The following TMOD4 variants were observed in gnomAD, a reference collection of about 807,000 sequenced individuals.
The protein encoded by TMOD4 is tropomodulin 4.
TMOD4 carries 34 observed loss-of-function variants against 45.4 expected under a neutral mutation model. The observed-to-expected ratio is 0.75, with a 90% CI of 0.57 to 1.00. The LOEUF (loss-of-function observed/expected upper bound fraction) is 1.00, where lower values mean the gene tolerates loss of function less well. TMOD4 is among the 50% of genes least tolerant of loss of function. The probability of loss-of-function intolerance (pLI) is 0.00; values close to 1 mark genes in which losing one functional copy is unlikely to be tolerated. For missense variants in TMOD4, 399 were observed against 437.5 expected (o/e 0.91, Z 0.78); for synonymous variants, 131 against 153.9 (o/e 0.85, Z 1.10).
rs1329241086 is a variant in TMOD4 at position 151,171,518 on chromosome 1, C to G, written c.641G>C (p.Ser214Thr). Residue 214 changes from serine to threonine, a missense_variant, in exon 7 of 10, where the codon AGT (serine) becomes ACT (threonine). Transcript: ENST00000295314. ...TGCCTTCATTGCCTCACACAGCTCACTTAGCATGGGTATTGGGATGTCCTA... is the reference window on the plus strand; with the variant it reads ...TGCCTTCATTGCCTCACACAGCTCAGTTAGCATGGGTATTGGGATGTCCTA... Reference protein sequence around the residue: ...NIQDIPIPMLSELCEAMKANT... With the variant: ...NIQDIPIPMLTELCEAMKANT... The G allele has an allele frequency of 6.2e-7, 1 of 1,614,132 alleles. No individual in the cohort carries two copies. The highest frequency in any genetic ancestry group is 1.1e-5 in the South Asian group (1 of 91,082).
chr1:151,171,823 G>GTTTTC, intron 5 of TMOD4, 60 bp from the exon 6 acceptor site: 8 of 1,544,576 alleles, frequency 5.2e-6, no homozygotes, highest in Non-Finnish European at 6.1e-6. Context: ...CTCCCCATTG[G>GTTTTC]TTTTCTTTTC....
intron 5 of TMOD4, 77 bp from the exon 6 acceptor site, chr1:151,171,840 T>G: frequency 2.1e-6 from 2 of 952,840 alleles, no homozygotes; most frequent in Non-Finnish European, 2.8e-6. Flanking sequence ...TTTCTTTTCT[T>G]TTTTTTTTTT....
At position 151,174,776 on chromosome 1, in the gene TMOD4, C is replaced by T. The variant is rs770679750; in HGVS notation, c.100G>A (p.Glu34Lys). 6.8e-6 allele frequency: 11 copies of T among 1,613,882 alleles called. No homozygotes were observed. The highest frequency in any genetic ancestry group is 1.7e-4 in the Middle Eastern group (1 of 5,944). Residue 34 changes from glutamate to lysine, a missense_variant, in exon 2 of 10, where the codon GAA (glutamate) becomes AAA (lysine). Coordinates refer to ENST00000295314, the MANE Select transcript of TMOD4 (RefSeq NM_013353.3). ...ACCTCAGGATCCATCTCCTGTAGTT[C>T]GCAGTCCAGCTGCTCTAGCTCCTCG... ...SPEELEQLDC[E>K]LQEMDPENML... is the part of the protein sequence containing the mutation.
intron 1 of TMOD4, 106 bp from the exon 2 acceptor site, chr1:151,175,023 G>A: frequency 2.2e-6 from 2 of 899,752 alleles, no homozygotes; most frequent in Non-Finnish European, 3.4e-6. Flanking sequence ...TGGATTTCTT[G>A]GAGATTAGAA....
rs200165349 is a variant in TMOD4 at position 151,171,838 on chromosome 1, C to CTT, written c.488-77_488-76dup. On this transcript the variant is annotated intron_variant, in intron 5 of 9. Transcript: ENST00000295314. ...CTCCCCATTGGTTTTCTTTTCTTTT[C>CTT]TTTTTTTTTTTTTTTGAGATGGAGT... 3,649 of 1,284,682 alleles carry CTT rather than the reference C, an allele frequency of 2.8e-3. 2 individuals are homozygous for CTT. The highest frequency in any genetic ancestry group is 8.2e-3 in the African/African-American group (520 of 63,438). 79.6% of individuals were successfully genotyped at this position (1,284,682 alleles called of 1,614,324 possible).
rs1001373081 is a variant in TMOD4, at chr1:151,171,734, C to G, written c.517G>C (p.Val173Leu). The change falls in exon 6 of 10, where the codon GTG becomes CTG. Residue 173 changes from valine (V) to leucine (L), a missense_variant. Transcript: ENST00000295314. ...GTGGGATTTGGGGGTTCATCCGGCA[C>G]TGGCTTATACTTGTCAGGCTGTACC... ...SVVQPDKYKP[V>L]PDEPPNPTNI... 1 of 1,614,050 alleles carries G rather than the reference C, an allele frequency of 6.2e-7. No homozygotes were observed. The highest frequency in any genetic ancestry group is 8.5e-7 in the Non-Finnish European group (1 of 1,180,028).
chr1:151,170,962 A>G lies in TMOD4; in HGVS notation c.828T>C (p.Val276=). The G allele has an allele frequency of 6.2e-7, 1 of 1,614,186 alleles. No individual in the cohort carries two copies. The highest frequency in any genetic ancestry group is 1.1e-5 in the South Asian group (1 of 91,080). ...STGLMAVLKA[V]RENATLTELR... ...GCTCAGTGAGTGTGGCATTTTCCCG[A>G]ACTGCCTTCAGCACAGCCATGAGTC... Residue 276 remains valine, a synonymous_variant, in exon 8 of 10, where the codon GTT becomes GTC. Transcript: ENST00000295314.
chr1:151,174,141 G>A (rs1388342497), intron 3 of TMOD4, among the ~76,000 whole-genome samples: 8 of 152,082 alleles, frequency 5.3e-5, no homozygotes, highest in East Asian at 1.9e-4. Context: ...GCGTGAACCC[G>A]GGAGGTGGAG....
intron 5 of TMOD4, 31 bp from the exon 6 acceptor site, chr1:151,171,794 A>T (rs375575121): frequency 6.1e-5 from 98 of 1,603,290 alleles, no homozygotes; most frequent in Non-Finnish European, 8.2e-5. Context: ...GGGAACCCCA[A>T]CATGTTCCCC....
chr1:151,175,400 G>A (rs1254461111), intron 1 of TMOD4: 1 of 153,034 alleles, frequency 6.5e-6, no homozygotes, highest in African/African-American at 2.4e-5. Flanking sequence ...TGAGGTGTAA[G>A]GGGAAGAGAG....
intron 2 of TMOD4, 87 bp downstream of exon 2, chr1:151,174,666 A>G (rs1217340992): frequency 1.2e-6 from 2 of 1,602,226 alleles, no homozygotes; most frequent in Non-Finnish European, 1.7e-6. Flanking sequence ...TAGGTCCTGT[A>G]GCAAACCCTA....
chr1:151,172,659 G>A (rs1683995618), intron 4 of TMOD4, among the ~76,000 whole-genome samples: 1 of 152,022 alleles, frequency 6.6e-6, no homozygotes, highest in South Asian at 2.1e-4. Flanking sequence ...CCGAGACGGA[G>A]TCTCACTCTG....
At position 151,174,784 on chromosome 1, in the gene TMOD4, A is replaced by G; in HGVS notation, c.92T>C (p.Leu31Pro). Reference protein sequence around the residue: ...RTLSPEELEQLDCELQEMDPE... With the variant: ...RTLSPEELEQPDCELQEMDPE... ...ATCCATCTCCTGTAGTTCGCAGTCCAGCTGCTCTAGCTCCTCGGGGCTCAA... is the reference window on the plus strand; with the variant it reads ...ATCCATCTCCTGTAGTTCGCAGTCCGGCTGCTCTAGCTCCTCGGGGCTCAA... The change falls in exon 2 of 10, where the codon CTG (leucine) becomes CCG (proline). Residue 31 changes from leucine (L) to proline (P), a missense_variant. Transcript: ENST00000295314. 1 of 1,614,120 alleles carries G rather than the reference A, an allele frequency of 6.2e-7. No individual in the cohort carries two copies. Among genetic ancestry groups the G allele is most frequent in the Non-Finnish European group, 8.5e-7 (1 of 1,180,034 alleles).
chr1:151,175,080 A>G (rs1684062953), intron 1 of TMOD4, 163 bp from the exon 2 acceptor site: 1 of 577,542 alleles, frequency 1.7e-6, no homozygotes, highest in African/African-American at 1.9e-5. Context: ...GTTTAGAGTT[A>G]GAACTAGAGT....
At chr1:151,172,242 G>A in intron 5 of TMOD4, 26 bp downstream of exon 5, 1 of 1,588,428 alleles carries the variant, frequency 6.3e-7, no homozygotes, top group East Asian at 2.2e-5. Flanking sequence ...AGAGCCCTGG[G>A]GACCATGCTC....
rs11800088 is a variant in TMOD4, at chr1:151,170,527, T to C, written c.1007A>G (p.Asn336Ser). The change falls in exon 9 of 10, where the codon AAT becomes AGT. Residue 336 changes from asparagine (N) to serine (S), a missense_variant. Physicochemically the swap from Asn to Ser is conservative, Grantham distance 46. Transcript: ENST00000295314. Reference protein sequence around the residue: ...ARAAQAMTRNNELRRQQKKR With the variant: ...ARAAQAMTRNSELRRQQKKR ...TGTCTGCAGTTACTCACGTAGTTCA[T>C]TGTTTCGGGTCATGGCCTGGGCTGC... 1.4e-3 allele frequency: 2,289 copies of C among 1,614,168 alleles called. 38 individuals carry two copies. In the African/African-American group the frequency reaches 0.027, roughly 19 times the overall value.
chr1:151,170,851 C>T, intron 8 of TMOD4, 69 bp downstream of exon 8: 6 of 1,573,570 alleles, frequency 3.8e-6, no homozygotes, highest in East Asian at 2.3e-5. Context: ...AGATAGCTGC[C>T]CCACTGGCTG....
rs748215122 is a variant in TMOD4 at position 151,170,932 on chromosome 1, A to C, written c.858T>G (p.Arg286=). 1.4e-5 allele frequency: 22 copies of C among 1,614,022 alleles called. No homozygotes were observed. In the Admixed American group the frequency reaches 1.5e-4, roughly 11 times the overall value. ...VRENATLTEL[R]VDNQRQWPGD... ...AGGGAATGCTGACCTGATTGTCTACACGGAGCTCAGTGAGTGTGGCATTTT... is the reference window on the plus strand; with the variant it reads ...AGGGAATGCTGACCTGATTGTCTACCCGGAGCTCAGTGAGTGTGGCATTTT... The change falls in exon 8 of 10, where the codon CGT becomes CGG. Residue 286 remains arginine (R), a synonymous_variant. Coordinates refer to ENST00000295314, the MANE Select transcript of TMOD4 (RefSeq NM_013353.3).
intron 3 of TMOD4, 50 bp downstream of exon 3, chr1:151,174,341 C>G (rs748328361): frequency 6.3e-7 from 1 of 1,591,026 alleles, no homozygotes; most frequent in Non-Finnish European, 8.6e-7. Context: ...GAGTGAGAGA[C>G]AGCACAGCCA....
Sources: gnomAD v4.1 joint callset for allele counts (sites outside exome capture counted in the v4.1 genomes callset) on GRCh38, gnomAD v4.1.1 for gene constraint, MANE v1.5 for transcripts, NCBI Gene and HGNC (gene_info 2026-07-23, HGNC 2026-07-21) for gene names.